Variants in UNC13C observed in about 807,000 individuals in gnomAD.
UNC13C encodes the protein unc-13 homolog C, also known as protein unc-13 homolog C.
UNC13C carries 174 observed loss-of-function variants against 245.4 expected under a neutral mutation model. The observed-to-expected ratio is 0.71, with a 90% confidence interval of 0.63 to 0.80. The LOEUF (loss-of-function observed/expected upper bound fraction) is 0.80, where lower values mean the gene tolerates loss of function less well. UNC13C is among the 30% of genes least tolerant of loss of function. The probability of loss-of-function intolerance (pLI) is 0.00; values close to 1 mark genes in which losing one functional copy is unlikely to be tolerated. For missense variants in UNC13C, 2,829 were observed against 2,602.9 expected, an observed-to-expected ratio of 1.09 and a Z score of -1.89; for synonymous variants, 992 against 895.1, an observed-to-expected ratio of 1.11 and a Z score of -1.93.
At chr15:54,158,388 G>A (rs1160141268) in intron 4 of UNC13C, among the ~76,000 whole-genome samples, 1 of 151,924 alleles carries the variant, frequency 6.6e-6, no homozygotes, top group East Asian at 1.9e-4. Flanking sequence ...GAGTACAGTG[G>A]CCCAATCTCT....
chr15:54,167,500 CAAAAA>C (rs67762910), intron 4 of UNC13C, among the ~76,000 whole-genome samples: 1 of 90,650 alleles, frequency 1.1e-5, no homozygotes, highest in African/African-American at 4.1e-5. Flanking sequence ...ACACTCGTCT[CAAAAA>C]AAAAAAAAAA....
Position 54,460,497 on chromosome 15 carries a change from T to C in UNC13C, c.4934-34111T>C, listed in dbSNP as rs1891775919. On this transcript the variant is annotated intron_variant, in intron 19 of 32. Transcript: ENST00000260323. ...GCAGGGTTGTTCTGTTATGAGTGGC[T>C]GTAATGGCTGGAGTTGGTTGGCCTC... Among the ~76,000 whole-genome samples, 3 of 152,318 alleles carry C rather than the reference T, an allele frequency of 2.0e-5. No homozygotes were observed. The South Asian group carries it at 6.2e-4, about 32-fold the overall frequency.
At chr15:53,873,854 C>CCTCT in the UNC13C span, among the ~76,000 whole-genome samples, 84,483 of 130,968 alleles carry the variant, frequency 0.65, 25,454 homozygotes, top group East Asian at 0.71. Context: ...AGCATCTATC[C>CCTCT]CTCTCTCTCT....
the UNC13C span, among the ~76,000 whole-genome samples, chr15:53,886,889 G>A: frequency 8.2e-4 from 125 of 152,128 alleles, no homozygotes; most frequent in African/African-American, 2.9e-3. Context: ...CAGATAAGTC[G>A]CAATAGGGCA....
intron 30 of UNC13C, among the ~76,000 whole-genome samples, chr15:54,600,558 A>C (rs1899355215): frequency 6.6e-6 from 1 of 152,118 alleles, no homozygotes; most frequent in African/African-American, 2.4e-5. Flanking sequence ...CTATTGCTAA[A>C]TGCACAATAA....
At chr15:54,473,221 TTA>T (rs869086401) in intron 19 of UNC13C, among the ~76,000 whole-genome samples, 107 of 134,526 alleles carry the variant, frequency 8.0e-4, no homozygotes, top group South Asian at 6.5e-3. Flanking sequence ...TTATTTTATT[TTA>T]TTTTATTGAT....
intron 17 of UNC13C, among the ~76,000 whole-genome samples, chr15:54,355,547 G>A (rs1250843592): frequency 2.6e-5 from 4 of 151,802 alleles, no homozygotes; most frequent in South Asian, 2.1e-4. Context: ...TAGTAGAGAC[G>A]GGGTTTCACC....
chr15:54,253,468 G>T (rs145376711), intron 8 of UNC13C, among the ~76,000 whole-genome samples: 5 of 152,320 alleles, frequency 3.3e-5, no homozygotes, highest in Middle Eastern at 3.4e-3. Flanking sequence ...TGGAAACAGG[G>T]AGAACAATGA....
intron 24 of UNC13C, among the ~76,000 whole-genome samples, chr15:54,516,905 G>C (rs997453395): frequency 2.0e-5 from 3 of 151,840 alleles, no homozygotes; most frequent in African/African-American, 7.3e-5. Context: ...TGAATCTTAA[G>C]AACACCTGAG....
At chr15:54,357,350 TA>T (rs911521452) in intron 17 of UNC13C, among the ~76,000 whole-genome samples, 3 of 152,060 alleles carry the variant, frequency 2.0e-5, no homozygotes, top group Admixed American at 6.6e-5. Context: ...CTCTCCATCC[TA>T]AAAAACAACC....
At chr15:54,030,826 A>G (rs1022288474) in intron 2 of UNC13C, among the ~76,000 whole-genome samples, 2 of 152,164 alleles carry the variant, frequency 1.3e-5, no homozygotes, top group Non-Finnish European at 2.9e-5. Flanking sequence ...GCAAAAAGGG[A>G]TGAACTATCT....
the UNC13C span, among the ~76,000 whole-genome samples, chr15:53,862,040 A>T: frequency 6.6e-6 from 1 of 152,142 alleles, no homozygotes; most frequent in Non-Finnish European, 1.5e-5. Context: ...ACAAAATACC[A>T]TAGACTGGGT....
the UNC13C span, among the ~76,000 whole-genome samples, chr15:53,933,260 T>C: frequency 3.3e-5 from 5 of 152,166 alleles, no homozygotes; most frequent in African/African-American, 7.2e-5. Context: ...TCTTATTACT[T>C]TGTGGCCCTG....
intron 2 of UNC13C, among the ~76,000 whole-genome samples, chr15:54,119,686 G>A (rs1350144322): frequency 6.6e-6 from 1 of 152,160 alleles, no homozygotes; most frequent in Non-Finnish European, 1.5e-5. Flanking sequence ...TAGGCTGAAA[G>A]GTAGGCCTGT....
rs146987682 is a variant in UNC13C at position 54,211,795 on chromosome 15, A to T, written c.3072-23235A>T. On this transcript the variant is annotated intron_variant, in intron 4 of 32. Coordinates refer to ENST00000260323, the MANE Select transcript of UNC13C (RefSeq NM_001080534.3). ...CTTAGTCTACAGAAGAATCAAAGGA[A>T]ATGAGCTTGTATGACAACTCTCAAC... 2.2e-4 allele frequency among the ~76,000 whole-genome samples: 33 copies of T among 152,216 alleles called. 2 individuals are homozygous for T. In the East Asian group the frequency reaches 6.2e-3, roughly 29 times the overall value.
the UNC13C span, among the ~76,000 whole-genome samples, chr15:53,900,775 C>T: frequency 6.6e-6 from 1 of 152,078 alleles, no homozygotes; most frequent in Non-Finnish European, 1.5e-5. Context: ...ATCTGGGTCC[C>T]AAATCTGCAA....
chr15:54,051,751 A>T (rs538266733), intron 2 of UNC13C, among the ~76,000 whole-genome samples: 140 of 133,290 alleles, frequency 1.1e-3, no homozygotes, highest in African/African-American at 4.1e-3. Context: ...ACTATACTCC[A>T]TTCTTTCTTT....
At chr15:54,219,378 G>A (rs1181670144) in intron 4 of UNC13C, among the ~76,000 whole-genome samples, 1 of 152,134 alleles carries the variant, frequency 6.6e-6, no homozygotes, top group Non-Finnish European at 1.5e-5. Context: ...AATGGTGCTG[G>A]GAAAACTGGC....
At chr15:53,946,148 G>T in the UNC13C span, among the ~76,000 whole-genome samples, 1 of 152,016 alleles carries the variant, frequency 6.6e-6, no homozygotes, top group Non-Finnish European at 1.5e-5. Context: ...CAAGGCTATG[G>T]GGTTTTCTAG....
Sources: gnomAD v4.1 joint callset for allele counts (sites outside exome capture counted in the v4.1 genomes callset) on GRCh38, gnomAD v4.1.1 for gene constraint, MANE v1.5 for transcripts, NCBI Gene and HGNC (gene_info 2026-07-23, HGNC 2026-07-21) for gene names.